The following CORO2A variants were observed in gnomAD, a reference collection of about 807,000 sequenced individuals.
CORO2A encodes the protein coronin-2A.
Under a neutral mutation model 62.4 loss-of-function variants are expected in CORO2A, and 47 were observed. The ratio of observed to expected loss-of-function variants is 0.75; its 90% CI spans 0.60 to 0.96. The LOEUF (loss-of-function observed/expected upper bound fraction) is 0.96. CORO2A is among the 40% of genes least tolerant of loss of function. CORO2A has a pLI of 0.00. For missense variants in CORO2A, 610 were observed against 684.1 expected (o/e 0.89, Z 1.21); for synonymous variants, 273 against 268.9 (o/e 1.02, Z -0.15).
At chr9:98,175,702 C>T (rs578020977) in intron 1 of CORO2A, among the ~76,000 whole-genome samples, 6 of 152,212 alleles carry the variant, frequency 3.9e-5, no homozygotes, top group Non-Finnish European at 5.9e-5. Flanking sequence ...TGGCTACTGA[C>T]ATGGTAGGGA....
At position 98,124,051 on chromosome 9, in the gene CORO2A, T is replaced by C. The variant is rs1182320648; in HGVS notation, c.*723A>G. 1 of 149,498 alleles carries C rather than the reference T, an allele frequency of 6.7e-6. No individual in the cohort carries two copies. Among genetic ancestry groups the C allele is most frequent in the Admixed American group, 6.7e-5 (1 of 14,978 alleles). 9.3% of individuals were successfully genotyped at this position (149,498 alleles called of 1,614,324 possible). On this transcript the variant is annotated 3_prime_UTR_variant, in exon 12 of 12. Transcript: ENST00000375077. ...TTTTTGAGACAGACTTTTGCTCTTA[T>C]TGCCCAGGTTAGAGTGCAGTGGCAC...
Position 98,129,689 on chromosome 9 carries a change from C to T in CORO2A, c.967+105G>A. 4.8e-6 allele frequency: 4 copies of T among 829,202 alleles called. No homozygotes were observed. The South Asian group carries it at 5.7e-5, about 12-fold the overall frequency. 51.4% of individuals were successfully genotyped at this position (829,202 alleles called of 1,614,324 possible). A position where few individuals can be genotyped will look rare whatever the true frequency, so the allele number is the denominator to read the frequency against. ...CTGTCTCTCCTCCCATCTGACTCATCCCTGTCTCCCCAGACCCCGCACTGA... is the reference window on the plus strand; with the variant it reads ...CTGTCTCTCCTCCCATCTGACTCATTCCTGTCTCCCCAGACCCCGCACTGA... On this transcript the variant is annotated intron_variant, in intron 8 of 11. Transcript: ENST00000375077.
At position 98,129,866 on chromosome 9, in the gene CORO2A, C is replaced by T. The variant is rs763508368; in HGVS notation, c.895G>A (p.Glu299Lys). 2.8e-5 allele frequency: 45 copies of T among 1,613,938 alleles called. No homozygotes were observed. In the South Asian group the frequency reaches 3.8e-4, roughly 14 times the overall value. ...AGGTGAGGCTTGTCGGCGCTCACCTCGTAGTAGCGGATGTTGCCATCTCCC... is the reference window on the plus strand; with the variant it reads ...AGGTGAGGCTTGTCGGCGCTCACCTTGTAGTAGCGGATGTTGCCATCTCCC... ...GKGDGNIRYY[E>K]VSADKPHLSY... The change falls in exon 8 of 12, where the codon GAG (glutamate) becomes AAG (lysine). Residue 299 changes from glutamate (E) to lysine (K), a missense_variant. Physicochemically the swap from Glu to Lys is moderately conservative, Grantham distance 56. Coordinates refer to ENST00000375077, the MANE Select transcript of CORO2A (RefSeq NM_052820.4).
chr9:98,152,126 GTT>G (rs3055383), intron 2 of CORO2A, among the ~76,000 whole-genome samples: 1 of 142,094 alleles, frequency 7.0e-6, no homozygotes, highest in Admixed American at 7.0e-5. Flanking sequence ...CTCTTTTGCT[GTT>G]TTTTTTTTTT....
At position 98,122,449 on chromosome 9, in the gene CORO2A, C is replaced by A. The variant is rs995935188; in HGVS notation, c.*2325G>T. 1 of 152,162 alleles carries A rather than the reference C, an allele frequency of 6.6e-6. No homozygotes were observed. The highest frequency in any genetic ancestry group is 1.5e-5 in the Non-Finnish European group (1 of 68,058). 9.4% of individuals were successfully genotyped at this position (152,162 alleles called of 1,614,324 possible). The stretch of plus-strand genomic sequence containing the variant: ...CCCCACCTCAGCTCCAGAATCTAAT[C>A]GCCCTGTGCAATGGAGATCATCTGC... On this transcript the variant is annotated 3_prime_UTR_variant, in exon 12 of 12. Transcript: ENST00000375077.
Position 98,128,179 on chromosome 9 carries a change from T to A in CORO2A, c.1162A>T (p.Met388Leu). 1 of 1,612,854 alleles carries A rather than the reference T, an allele frequency of 6.2e-7. No individual in the cohort carries two copies. The highest frequency in any genetic ancestry group is 8.5e-7 in the Non-Finnish European group (1 of 1,179,286). Residue 388 changes from methionine (M) to leucine (L), a missense_variant, in exon 10 of 12, where the codon ATG (methionine) becomes TTG (leucine). Physicochemically the swap from Met to Leu is conservative, Grantham distance 15. Coordinates refer to ENST00000375077, the MANE Select transcript of CORO2A (RefSeq NM_052820.4). ...TCTCTGCCTTCCTCACCTCGATTCA[T>A]CCCGCTGAGCCACTCCTGGGCCGTC... ...SLTAQEWLSG[M>L]NRDPILVSLR...
At chr9:98,151,459 A>C (rs1241981129) in intron 2 of CORO2A, among the ~76,000 whole-genome samples, 1 of 152,134 alleles carries the variant, frequency 6.6e-6, no homozygotes, top group African/African-American at 2.4e-5. Flanking sequence ...GCAAATGTTT[A>C]ATTATATCAT....
At chr9:98,126,918 A>T in intron 10 of CORO2A, 95 bp from the exon 11 acceptor site, 1 of 1,340,686 alleles carries the variant, frequency 7.5e-7, no homozygotes, top group Non-Finnish European at 1.1e-6. Flanking sequence ...AGAGACACTC[A>T]GAGCCATGCA....
chr9:98,154,352 T>TATATATATATATAC (rs71369555), intron 2 of CORO2A, among the ~76,000 whole-genome samples: 1,066 of 93,588 alleles, frequency 0.011, 13 homozygotes, highest in Non-Finnish European at 0.014. Context: ...TATATATATA[T>TATATATATATATAC]ACACAAATAC....
At chr9:98,180,823 AC>A (rs1346905284) in intron 1 of CORO2A, among the ~76,000 whole-genome samples, 1 of 151,746 alleles carries the variant, frequency 6.6e-6, no homozygotes, top group African/African-American at 2.4e-5. Flanking sequence ...ACAACCAGAG[AC>A]CCCTCTCCAG....
chr9:98,177,963 C>A (rs1425782689), intron 1 of CORO2A, among the ~76,000 whole-genome samples: 2 of 152,144 alleles, frequency 1.3e-5, no homozygotes, highest in Admixed American at 1.3e-4. Flanking sequence ...TGTTTTTGTC[C>A]TGGGTCTTGT....
chr9:98,158,196 A>G (rs1827833183), intron 1 of CORO2A, among the ~76,000 whole-genome samples: 1 of 152,202 alleles, frequency 6.6e-6, no homozygotes, highest in African/African-American at 2.4e-5. Context: ...CTGTAATCCC[A>G]GCATTTTGGG....
At chr9:98,133,344 A>G in intron 4 of CORO2A, 127 bp from the exon 5 acceptor site, 1 of 877,694 alleles carries the variant, frequency 1.1e-6, no homozygotes, top group Non-Finnish European at 1.7e-6. Flanking sequence ...CAGCCTGGCC[A>G]AGAAGCCTCA....
At chr9:98,140,130 A>G (rs1444097537) in intron 2 of CORO2A, among the ~76,000 whole-genome samples, 4 of 152,012 alleles carry the variant, frequency 2.6e-5, no homozygotes, top group Non-Finnish European at 1.5e-5. Context: ...CACATCCACC[A>G]TCTAGTTCCA....
At position 98,157,478 on chromosome 9, in the gene CORO2A, G is replaced by A. The variant is rs369567914; in HGVS notation, c.183C>T (p.Leu61=). The A allele has an allele frequency of 1.9e-5, 30 of 1,614,058 alleles. No individual in the cohort carries two copies. Among genetic ancestry groups the A allele is most frequent in the African/African-American group, 1.3e-4 (10 of 74,928 alleles). ...VTECAGGGAF[L]VIPLHQTGKL... ...TCCTTACCTGGTGCAGGGGGATGAC[G>A]AGGAAGGCCCCTCCACCAGCACACT... The change falls in exon 2 of 12, where the codon CTC becomes CTT. Residue 61 remains leucine (L), a synonymous_variant. Transcript: ENST00000375077.
chr9:98,138,760 C>A (rs1827524882), intron 2 of CORO2A, among the ~76,000 whole-genome samples: 1 of 152,090 alleles, frequency 6.6e-6, no homozygotes, highest in Admixed American at 6.6e-5. Flanking sequence ...ATGAAAAATG[C>A]AGAACGGGCT....
At chr9:98,164,172 G>A (rs931955164) in intron 1 of CORO2A, among the ~76,000 whole-genome samples, 2 of 152,222 alleles carry the variant, frequency 1.3e-5, no homozygotes, top group Non-Finnish European at 2.9e-5. Context: ...GGGAAGATTA[G>A]AACCACAAGT....
chr9:98,169,363 G>C (rs190846649), intron 1 of CORO2A, among the ~76,000 whole-genome samples: 4 of 152,164 alleles, frequency 2.6e-5, no homozygotes, highest in African/African-American at 9.6e-5. Flanking sequence ...ACACTGCCCA[G>C]AGCCACCGTC....
At chr9:98,147,481 T>A (rs546130834) in intron 2 of CORO2A, among the ~76,000 whole-genome samples, 2 of 152,180 alleles carry the variant, frequency 1.3e-5, no homozygotes, top group Non-Finnish European at 2.9e-5. Context: ...TTTATCTACT[T>A]TTGTGCTTGA....
Sources: gnomAD v4.1 joint callset for allele counts (sites outside exome capture counted in the v4.1 genomes callset) on GRCh38, gnomAD v4.1.1 for gene constraint, MANE v1.5 for transcripts, NCBI Gene and HGNC (gene_info 2026-07-23, HGNC 2026-07-21) for gene names.